Variants in KIF1A observed in about 807,000 individuals in gnomAD.
KIF1A encodes the protein kinesin-like protein KIF1A.
A neutral mutation model predicts 227.3 loss-of-function variants in KIF1A; 46 were observed. The observed-to-expected ratio is 0.20, with a 90% CI of 0.16 to 0.26. The LOEUF (loss-of-function observed/expected upper bound fraction) is 0.26, where lower values mean the gene tolerates loss of function less well. Among genes scored for constraint, KIF1A ranks in the 10% least tolerant of loss-of-function variants. The pLI, the probability that KIF1A is intolerant of heterozygous loss-of-function variation, is 1.00. For synonymous variants in KIF1A, 1,022 were observed against 1,012.8 expected (o/e 1.01, Z -0.17); for missense variants, 1,683 against 2,485.9 (o/e 0.68, Z 6.87).
chr2:240,794,697 G>A (rs140985841), intron 2 of KIF1A, among the ~76,000 whole-genome samples: 3 of 152,302 alleles, frequency 2.0e-5, no homozygotes, highest in East Asian at 1.9e-4. Flanking sequence ...TGCATTTCAC[G>A]CAAGCAGCCT....
intron 17 of KIF1A, among the ~76,000 whole-genome samples, chr2:240,768,413 G>A (rs554948443): frequency 3.3e-5 from 5 of 152,344 alleles, no homozygotes; most frequent in African/African-American, 4.8e-5. Flanking sequence ...CTGGGCCGGC[G>A]GCCTGGAGCA....
At position 240,725,431 on chromosome 2, in the gene KIF1A, G is replaced by A. The variant is rs751603150; in HGVS notation, c.4123-27C>T. 2 of 1,608,900 alleles carry A rather than the reference G, an allele frequency of 1.2e-6. No individual in the cohort carries two copies. The highest frequency in any genetic ancestry group is 4.5e-5 in the East Asian group (2 of 44,786). ...TGAGATAGGCGGGAGCAGGACTCAG[G>A]CACAAGGACACCCCGAGTGCCCAGG... On this transcript the variant is annotated intron_variant, in intron 39 of 48. Transcript: ENST00000498729. The surrounding 1 kb of genome is among the most constrained non-coding windows in gnomAD (Gnocchi z 5.8).
At chr2:240,750,301 G>A in intron 28 of KIF1A, 128 bp downstream of exon 28, 1 of 666,460 alleles carries the variant, frequency 1.5e-6, no homozygotes, top group South Asian at 1.9e-5. Context: ...AGGGCCAGCT[G>A]AGGCCAGCTT....
rs767418974 is a variant in KIF1A at position 240,761,292 on chromosome 2, C to A, written c.2202G>T (p.Leu734=). The change falls in exon 24 of 49, where the codon CTG becomes CTT. Residue 734 remains leucine (L), a synonymous_variant. Transcript: ENST00000498729. ...TGAGGAAGATGGCGTTGCCCCACAG[C>A]AGGTCCCGCAGAGACGTGAACTGGT... ...KWYQFTSLRD[L]LWGNAIFLKE... 5 of 1,613,918 alleles carry A rather than the reference C, an allele frequency of 3.1e-6. No individual in the cohort carries two copies. In the South Asian group the frequency reaches 3.3e-5, roughly 11 times the overall value.
At chr2:240,745,589 C>T in intron 31 of KIF1A, 72 bp from the exon 32 acceptor site, 2 of 1,492,628 alleles carry the variant, frequency 1.3e-6, no homozygotes, top group South Asian at 2.5e-5. Context: ...TGGAACCCAC[C>T]TCACACGAGG....
intron 10 of KIF1A, chr2:240,781,830 C>T (rs2054068678): frequency 2.0e-6 from 2 of 985,274 alleles, no homozygotes; most frequent in East Asian, 2.3e-4. Context: ...CACAGTTCCC[C>T]ACTCAGTCCA....
At chr2:240,759,425 C>A (rs2050244080) in intron 25 of KIF1A, among the ~76,000 whole-genome samples, 1 of 152,180 alleles carries the variant, frequency 6.6e-6, no homozygotes, top group South Asian at 2.1e-4. Context: ...TGGCCTAAAT[C>A]ACCCAGGACA....
intron 1 of KIF1A, among the ~76,000 whole-genome samples, chr2:240,799,566 C>T (rs2056769535): frequency 6.6e-6 from 1 of 152,238 alleles, no homozygotes; most frequent in Non-Finnish European, 1.5e-5. Context: ...TTCTCACAGC[C>T]AGGAGTGGCT....
chr2:240,801,469 G>C (rs1378788550), intron 1 of KIF1A, among the ~76,000 whole-genome samples: 1 of 152,146 alleles, frequency 6.6e-6, no homozygotes, highest in Non-Finnish European at 1.5e-5. Flanking sequence ...AGGAAATATA[G>C]ACATGACAGC....
rs144485290 is a variant in KIF1A, at chr2:240,727,557, T to A, written c.4008-617A>T. Among the ~76,000 whole-genome samples, 128 of 152,278 alleles carry A rather than the reference T, an allele frequency of 8.4e-4. 2 individuals are homozygous for A. In the East Asian group the frequency reaches 0.024, roughly 29 times the overall value. On this transcript the variant is annotated intron_variant, in intron 38 of 48. Transcript: ENST00000498729. Reference sequence around the variant, plus strand: ...GAAGAGGAAGGCCCCGGGGGGAGGATGCTTGGCATGGAGGCAGGGTGGCTG... The same window carrying A: ...GAAGAGGAAGGCCCCGGGGGGAGGAAGCTTGGCATGGAGGCAGGGTGGCTG...
At chr2:240,768,572 G>C (rs1346560009) in intron 17 of KIF1A, among the ~76,000 whole-genome samples, 2 of 152,088 alleles carry the variant, frequency 1.3e-5, no homozygotes, top group African/African-American at 4.8e-5. Flanking sequence ...CACCTGGGCT[G>C]CTGTGCCATG....
rs2051152862 is a variant in KIF1A at position 240,766,238 on chromosome 2, G to A, written c.1685-445C>T. Among the ~76,000 whole-genome samples the A allele has an allele frequency of 6.6e-6, 1 of 152,252 alleles. No individual in the cohort carries two copies. Among genetic ancestry groups the A allele is most frequent in the Admixed American group, 6.5e-5 (1 of 15,290 alleles). On this transcript the variant is annotated intron_variant, in intron 19 of 48. Coordinates refer to ENST00000498729, the MANE Select transcript of KIF1A (RefSeq NM_001244008.2). This position sits in a 1 kb window ranked among gnomAD's most constrained non-coding sequence, Gnocchi z 5.0. Reference sequence around the variant, plus strand: ...GAGGTGGCCAAGTTGGACAGTGGGTGTCAGTCACAGGTCTGCAGGCCAGAG... The same window carrying A: ...GAGGTGGCCAAGTTGGACAGTGGGTATCAGTCACAGGTCTGCAGGCCAGAG...
At chr2:240,721,088 G>A in intron 44 of KIF1A, 50 bp from the exon 45 acceptor site, 1 of 1,602,388 alleles carries the variant, frequency 6.2e-7, no homozygotes, top group Non-Finnish European at 8.5e-7. Context: ...GGGGTCTCCG[G>A]CCTCTGTGGG....
chr2:240,764,324 C>T (rs1575591809), intron 20 of KIF1A, among the ~76,000 whole-genome samples: 1 of 152,270 alleles, frequency 6.6e-6, no homozygotes, highest in Non-Finnish European at 1.5e-5. Context: ...GCCCTGAGCC[C>T]CACAGGCACC....
intron 10 of KIF1A, among the ~76,000 whole-genome samples, chr2:240,777,324 G>C (rs867245106): frequency 1.3e-5 from 2 of 152,166 alleles, no homozygotes; most frequent in Admixed American, 6.5e-5. Context: ...GATTACAGGC[G>C]TGAGCCACCG....
At chr2:240,767,702 C>T (rs887605676) in intron 17 of KIF1A, among the ~76,000 whole-genome samples, 4 of 152,268 alleles carry the variant, frequency 2.6e-5, no homozygotes, top group Admixed American at 6.5e-5. Flanking sequence ...GGTGAGCCCC[C>T]AGATGTGCAG....
rs112611738 is a variant in KIF1A, at chr2:240,773,844, T to C, written c.1037+339A>G. On this transcript the variant is annotated intron_variant, in intron 12 of 48. Transcript: ENST00000498729. ...ACCCTGCCCATAAGACACACCTATG[T>C]CCCCTCTGCTATCTAAAAATCCCCA... Among the ~76,000 whole-genome samples the C allele has an allele frequency of 2.3e-3, 351 of 152,070 alleles. 1 individual carries two copies. Among genetic ancestry groups the C allele is most frequent in the African/African-American group, 8.1e-3 (334 of 41,468 alleles).
intron 1 of KIF1A, among the ~76,000 whole-genome samples, chr2:240,804,916 A>G (rs1241480969): frequency 2.6e-5 from 4 of 151,786 alleles, no homozygotes; most frequent in Non-Finnish European, 5.9e-5. Flanking sequence ...TATGAACATC[A>G]GCCAAATGTT....
At chr2:240,809,509 C>T (rs1369091229) in intron 1 of KIF1A, among the ~76,000 whole-genome samples, 1 of 151,994 alleles carries the variant, frequency 6.6e-6, no homozygotes, top group African/African-American at 2.4e-5. Context: ...ACCGAACCAG[C>T]GATGGAAGGA....
Sources: allele counts gnomAD v4.1 joint callset (sites outside exome capture counted in the v4.1 genomes callset), GRCh38; gene constraint gnomAD v4.1.1; non-coding constraint Gnocchi (gnomAD v3.1); transcripts MANE v1.5; gene names NCBI Gene and HGNC (gene_info 2026-07-23, HGNC 2026-07-21).